The following FURIN variants were observed in gnomAD, a reference collection of about 807,000 sequenced individuals.
FURIN encodes the protein FES upstream region.
FURIN carries 18 observed loss-of-function variants against 89.2 expected under a neutral mutation model. That is an observed-to-expected ratio of 0.20 (90% CI 0.14 to 0.30). The LOEUF (loss-of-function observed/expected upper bound fraction) is 0.30, where lower values mean the gene tolerates loss of function less well. FURIN is among the 10% of genes least tolerant of loss of function. The probability of loss-of-function intolerance (pLI) is 1.00; values close to 1 mark genes in which losing one functional copy is unlikely to be tolerated. For missense variants in FURIN, 879 were observed against 1,100.5 expected, an observed-to-expected ratio of 0.80 and a Z score of 2.85; for synonymous variants, 508 against 466.4, an observed-to-expected ratio of 1.09 and a Z score of -1.15.
intron 13 of FURIN, 50 bp downstream of exon 13, chr15:90,880,323 G>T (rs781304502): frequency 1.4e-6 from 2 of 1,455,136 alleles, no homozygotes. Context: ...GCCTCTCACA[G>T]CCCGCGTGCT....
chr15:90,881,330 C>A lies in FURIN; in HGVS notation c.1837C>A (p.His613Asn). The A allele has an allele frequency of 6.2e-7, 1 of 1,612,548 alleles. No individual in the cohort carries two copies. Reference protein sequence around the residue: ...FSLHQKSCVQHCPPGFAPQVL... With the variant: ...FSLHQKSCVQNCPPGFAPQVL... The stretch of plus-strand genomic sequence containing the variant: ...CCTGCACCAGAAGAGCTGTGTCCAG[C>A]ACTGCCCTCCAGGGTTCGCCCCCCA... The change falls in exon 16 of 16, where the codon CAC becomes AAC. Residue 613 changes from histidine to asparagine, a missense_variant. Coordinates refer to ENST00000268171, the MANE Select transcript of FURIN (RefSeq NM_002569.4). The surrounding 1 kb of genome is among the most constrained non-coding windows in gnomAD (Gnocchi z 4.3).
In FURIN at chr15:90,876,773, G is replaced by T. The variant is rs76697532; in HGVS notation, c.373-123G>T. 5,122 of 1,104,502 alleles carry T rather than the reference G, an allele frequency of 4.6e-3. 160 individuals are homozygous for T. In the African/African-American group the frequency reaches 0.065, roughly 14 times the overall value. 68.4% of individuals were successfully genotyped at this position (1,104,502 alleles called of 1,614,324 possible). A position where few individuals can be genotyped will look rare whatever the true frequency, so the allele number is the denominator to read the frequency against. The stretch of plus-strand genomic sequence containing the variant: ...CCATGGAGTCCAGACAGCCAGTGGC[G>T]GCCTTTCAGGAGCAGGGATGGTACA... On this transcript the variant is annotated intron_variant, in intron 4 of 15. Transcript: ENST00000268171. This position sits in a 1 kb window ranked among gnomAD's most constrained non-coding sequence, Gnocchi z 5.0.
chr15:90,875,137 C>T (rs2031539714), intron 1 of FURIN, among the ~76,000 whole-genome samples: 1 of 150,456 alleles, frequency 6.6e-6, no homozygotes, highest in Admixed American at 6.7e-5. Context: ...TGGGCTCAAG[C>T]AATTCTTGTG....
rs1296800388 is a variant in FURIN, at chr15:90,876,010, G to T, written c.177+93G>T. The T allele has an allele frequency of 4.4e-6, 5 of 1,136,346 alleles. No homozygotes were observed. In the African/African-American group the frequency reaches 7.7e-5, roughly 18 times the overall value. 70.4% of individuals were successfully genotyped at this position (1,136,346 alleles called of 1,614,324 possible). A position where few individuals can be genotyped will look rare whatever the true frequency, so the allele number is the denominator to read the frequency against. ...AGCTGTTGGCCTTGTTTGCTCAGGG[G>T]CATCTGGGTAGCCGGCATGTTCTGG... is the stretch of plus-strand genomic sequence containing the variant. On this transcript the variant is annotated intron_variant, in intron 2 of 15. Transcript: ENST00000268171. The surrounding 1 kb of genome is among the most constrained non-coding windows in gnomAD (Gnocchi z 5.0).
intron 13 of FURIN, 21 bp from the exon 14 acceptor site, chr15:90,880,670 T>A: frequency 6.2e-7 from 1 of 1,606,304 alleles, no homozygotes; most frequent in Non-Finnish European, 8.5e-7. Flanking sequence ...GCCTCAGGGC[T>A]GTGTGCACTC....
At chr15:90,871,094 C>G (rs988094774) in intron 1 of FURIN, among the ~76,000 whole-genome samples, 5 of 152,214 alleles carry the variant, frequency 3.3e-5, no homozygotes, top group Non-Finnish European at 7.3e-5. Context: ...CCGTGCAGTC[C>G]TCCCTCGACC....
At position 90,881,834 on chromosome 15, in the gene FURIN, C is replaced by G. The variant is rs199554506; in HGVS notation, c.2341C>G (p.Arg781Gly). 2 of 1,613,184 alleles carry G rather than the reference C, an allele frequency of 1.2e-6. No individual in the cohort carries two copies. The highest frequency in any genetic ancestry group is 2.2e-5 in the East Asian group (1 of 44,882). Residue 781 changes from arginine to glycine, a missense_variant, in exon 16 of 16, where the codon CGG (arginine) becomes GGG (glycine). Arg to Gly is a moderately radical substitution (Grantham distance 125, BLOSUM62 -2). Around this residue, in one of 5 missense-constraint regions of FURIN, gnomAD observed 457 missense variants for 490.7 expected, o/e 0.93. Coordinates refer to ENST00000268171, the MANE Select transcript of FURIN (RefSeq NM_002569.4). This position sits in a 1 kb window ranked among gnomAD's most constrained non-coding sequence, Gnocchi z 4.3. ...CPSDSEEDEG[R>G]GERTAFIKDQ... ...GTCTGACTCAGAAGAGGACGAGGGC[C>G]GGGGCGAGAGGACCGCCTTTATCAA... is the stretch of plus-strand genomic sequence containing the variant.
chr15:90,874,810 G>A (rs889547938), intron 1 of FURIN, among the ~76,000 whole-genome samples: 4 of 152,052 alleles, frequency 2.6e-5, no homozygotes, highest in African/African-American at 9.7e-5. Context: ...GAGAACCACC[G>A]TTAACATTTT....
Position 90,881,893 on chromosome 15 carries a change from A to T in FURIN, c.*15A>T, listed in dbSNP as rs757408104. Reference sequence around the variant, plus strand: ...GCGCCCTCTGATGAGCCCACTGCCCACCCCCTCAAGCCAATCCCCTCCTTG... The same window carrying T: ...GCGCCCTCTGATGAGCCCACTGCCCTCCCCCTCAAGCCAATCCCCTCCTTG... On this transcript the variant is annotated 3_prime_UTR_variant, in exon 16 of 16. Coordinates refer to ENST00000268171, the MANE Select transcript of FURIN (RefSeq NM_002569.4). The surrounding 1 kb of genome is among the most constrained non-coding windows in gnomAD (Gnocchi z 4.3). The T allele has an allele frequency of 9.1e-6, 14 of 1,539,922 alleles. No individual in the cohort carries two copies. The highest frequency in any genetic ancestry group is 8.0e-6 in the Non-Finnish European group (9 of 1,128,522).
rs1596079647 is a variant in FURIN at position 90,881,198 on chromosome 15, A to C, written c.1793-88A>C. 1 of 1,159,214 alleles carries C rather than the reference A, an allele frequency of 8.6e-7. No individual in the cohort carries two copies. Among genetic ancestry groups the C allele is most frequent in the East Asian group, 2.4e-5 (1 of 41,784 alleles). 71.8% of individuals were successfully genotyped at this position (1,159,214 alleles called of 1,614,324 possible). A position where few individuals can be genotyped will look rare whatever the true frequency, so the allele number is the denominator to read the frequency against. ...GTCCTGGGGCTGGAGGATCCTGGGG[A>C]TGTGGTGACTTGGCTTGGGGCTGCT... On this transcript the variant is annotated intron_variant, in intron 15 of 15. Coordinates refer to ENST00000268171, the MANE Select transcript of FURIN (RefSeq NM_002569.4). This position sits in a 1 kb window ranked among gnomAD's most constrained non-coding sequence, Gnocchi z 4.3.
rs2032004908 is a variant in FURIN, at chr15:90,881,914, C to T, written c.*36C>T. The T allele has an allele frequency of 1.4e-6, 2 of 1,406,044 alleles. No homozygotes were observed. Among genetic ancestry groups the T allele is most frequent in the South Asian group, 2.4e-5 (2 of 81,936 alleles). 87.1% of individuals were successfully genotyped at this position (1,406,044 alleles called of 1,614,324 possible). ...GCCCACCCCCTCAAGCCAATCCCCT[C>T]CTTGGGCACTTTTTAATTCACCAAA... On this transcript the variant is annotated 3_prime_UTR_variant, in exon 16 of 16. Coordinates refer to ENST00000268171, the MANE Select transcript of FURIN (RefSeq NM_002569.4). The surrounding 1 kb of genome is among the most constrained non-coding windows in gnomAD (Gnocchi z 4.3).
rs565788900 is a variant in FURIN, at chr15:90,875,633, C to T, written c.-108C>T. ...CCTGCCCGTCTCGGCCCCATGCCCC[C>T]ACCAGTCAGCCCCGGGCCACAGGCA... On this transcript the variant is annotated 5_prime_UTR_variant, in exon 2 of 16. Transcript: ENST00000268171. 8.0e-6 allele frequency: 8 copies of T among 998,954 alleles called. No homozygotes were observed. Among genetic ancestry groups the T allele is most frequent in the African/African-American group, 3.3e-5 (2 of 60,832 alleles). 61.9% of individuals were successfully genotyped at this position (998,954 alleles called of 1,614,324 possible).
At chr15:90,875,453 T>A in intron 1 of FURIN, 129 bp from the exon 2 acceptor site, 1 of 334,118 alleles carries the variant, frequency 3.0e-6, no homozygotes, top group Non-Finnish European at 5.4e-6. Flanking sequence ...GGAGGACTAA[T>A]TTTTTTACCC....
Position 90,877,139 on chromosome 15 carries a change from C to A in FURIN, c.506C>A (p.Pro169His). 1.3e-5 allele frequency: 21 copies of A among 1,611,354 alleles called. No individual in the cohort carries two copies. The highest frequency in any genetic ancestry group is 1.7e-5 in the Non-Finnish European group (20 of 1,178,486). ...NHPDLAGNYD[P>H]GASFDVNDQD... ...TGGTGGCCAAATCCTTCTTAGGATC[C>A]TGGGGCCAGTTTTGATGTCAATGAC... is the stretch of plus-strand genomic sequence containing the variant. Residue 169 changes from proline to histidine, a missense_variant, in exon 6 of 16, where the codon CCT becomes CAT. Physicochemically the swap from Pro to His is moderately conservative, Grantham distance 77. This residue lies in a region of FURIN where 139 missense variants were observed against 215.0 expected (regional missense o/e 0.65). Transcript: ENST00000268171.
intron 5 of FURIN, 31 bp from the exon 6 acceptor site, chr15:90,877,104 C>T: frequency 6.2e-7 from 1 of 1,609,766 alleles, no homozygotes; most frequent in Non-Finnish European, 8.5e-7. Flanking sequence ...TGAGGTCAGC[C>T]TTCTCCTGAT....
At chr15:90,871,350 G>C (rs1332518429) in intron 1 of FURIN, among the ~76,000 whole-genome samples, 1 of 151,916 alleles carries the variant, frequency 6.6e-6, no homozygotes, top group East Asian at 2.0e-4. Flanking sequence ...ACGGCAGCGG[G>C]GCCTGAGGGA....
In FURIN at chr15:90,878,064, C is replaced by T; in HGVS notation, c.668-68C>T. On this transcript the variant is annotated intron_variant, in intron 7 of 15. Coordinates refer to ENST00000268171, the MANE Select transcript of FURIN (RefSeq NM_002569.4). ...CTGGGGTGCAGGGCTGGGTGTGCTC[C>T]TTGGGGTGGGGGCCCTGACAGCTGG... 11 of 1,530,748 alleles carry T rather than the reference C, an allele frequency of 7.2e-6. No individual in the cohort carries two copies. In the South Asian group the frequency reaches 7.9e-5, roughly 11 times the overall value. 94.8% of individuals were successfully genotyped at this position (1,530,748 alleles called of 1,614,324 possible).
intron 8 of FURIN, 76 bp from the exon 9 acceptor site, chr15:90,878,688 G>T: frequency 1.2e-6 from 1 of 855,652 alleles, no homozygotes; most frequent in Non-Finnish European, 1.9e-6. Flanking sequence ...AGCCTTCCCA[G>T]TTTTCCAGCA....
chr15:90,881,114 C>A lies in FURIN; in HGVS notation c.1792+74C>A. On this transcript the variant is annotated intron_variant, in intron 15 of 15. Coordinates refer to ENST00000268171, the MANE Select transcript of FURIN (RefSeq NM_002569.4). The surrounding 1 kb of genome is among the most constrained non-coding windows in gnomAD (Gnocchi z 4.3). ...GGCGGGTGCCTGTCCTGAAGCCCAG[C>A]TCTAACAGAAAAAAGTCTCAAGAGA... The A allele has an allele frequency of 8.0e-7, 1 of 1,248,120 alleles. No homozygotes were observed. The highest frequency in any genetic ancestry group is 1.2e-6 in the Non-Finnish European group (1 of 853,202). The allele number at this position is 1,248,120 out of a possible 1,614,324, so 77.3% of individuals were successfully genotyped here.
Sources: gnomAD v4.1 joint callset for allele counts (sites outside exome capture counted in the v4.1 genomes callset) on GRCh38, gnomAD v4.1.1 for gene constraint, gnomAD v4.1.1 regional missense constraint, Gnocchi (gnomAD v3.1) non-coding constraint, MANE v1.5 for transcripts, NCBI Gene and HGNC (gene_info 2026-07-23, HGNC 2026-07-21) for gene names.